Variants in KDM4C observed in about 807,000 individuals in gnomAD.
KDM4C encodes the protein lysine-specific demethylase 4C.
KDM4C carries 81 observed loss-of-function variants against 129.3 expected under a neutral mutation model. The observed-to-expected ratio is 0.63, with a 90% confidence interval of 0.52 to 0.75. The LOEUF (loss-of-function observed/expected upper bound fraction) is 0.75. KDM4C is among the 30% of genes least tolerant of loss of function. KDM4C has a pLI of 0.00. For synonymous variants in KDM4C, 573 were observed against 456.1 expected (o/e 1.26, Z -3.26); for missense variants, 1,457 against 1,304.0 (o/e 1.12, Z -1.81).
At chr9:6,997,941 A>G (rs1563957510) in intron 12 of KDM4C, among the ~76,000 whole-genome samples, 1 of 152,246 alleles carries the variant, frequency 6.6e-6, no homozygotes, top group Non-Finnish European at 1.5e-5. Context: ...AAAGATGCAG[A>G]TAACCAAGTG....
rs557890568 is a variant in KDM4C at position 6,865,109 on chromosome 9, A to C, written c.630-14903A>C. ...CTGCAAGCTCTGCCTCCCGGGTTCA[A>C]GCAATTCTCCTGCTTCAGCCTCCCG... On this transcript the variant is annotated intron_variant, in intron 5 of 21. Coordinates refer to ENST00000381309, the MANE Select transcript of KDM4C (RefSeq NM_015061.6). Among the ~76,000 whole-genome samples the C allele has an allele frequency of 3.2e-4, 48 of 150,736 alleles. 1 individual carries two copies. In the South Asian group the frequency reaches 7.6e-3, roughly 24 times the overall value.
At chr9:7,161,160 TC>T (rs1327039988) in intron 19 of KDM4C, among the ~76,000 whole-genome samples, 6 of 152,158 alleles carry the variant, frequency 3.9e-5, no homozygotes, top group Admixed American at 3.3e-4. Context: ...GAATCTCCTT[TC>T]TGCTGGTTGC....
chr9:6,930,966 C>G (rs1012170507), intron 8 of KDM4C, among the ~76,000 whole-genome samples: 1 of 152,126 alleles, frequency 6.6e-6, no homozygotes, highest in African/African-American at 2.4e-5. Flanking sequence ...GTATGGGATC[C>G]TCTGAGTACA....
intron 1 of KDM4C, among the ~76,000 whole-genome samples, chr9:6,760,583 T>A: frequency 6.7e-6 from 1 of 148,190 alleles, no homozygotes; most frequent in East Asian, 2.0e-4. Context: ...TATTTATTTA[T>A]TTTTTGAGAC....
At chr9:7,126,035 C>T (rs553094388) in intron 18 of KDM4C, among the ~76,000 whole-genome samples, 3 of 152,126 alleles carry the variant, frequency 2.0e-5, no homozygotes, top group Non-Finnish European at 4.4e-5. Flanking sequence ...AACAAACAAC[C>T]CAAATGACAA....
At chr9:7,029,053 A>T (rs1423257564) in intron 15 of KDM4C, among the ~76,000 whole-genome samples, 1 of 152,128 alleles carries the variant, frequency 6.6e-6, no homozygotes, top group Non-Finnish European at 1.5e-5. Flanking sequence ...TTTTATACAG[A>T]TGGTTGTTAA....
intron 2 of KDM4C, among the ~76,000 whole-genome samples, chr9:6,799,121 T>TG (rs1380805120): frequency 1.4e-5 from 2 of 143,554 alleles, no homozygotes; most frequent in Non-Finnish European, 3.0e-5. Flanking sequence ...TCCCAGACGA[T>TG]GGGCGGCCAG....
At chr9:6,846,378 T>C (rs895884884) in intron 4 of KDM4C, among the ~76,000 whole-genome samples, 1 of 152,202 alleles carries the variant, frequency 6.6e-6, no homozygotes, top group African/African-American at 2.4e-5. Context: ...AATGAGGTAG[T>C]ATATTGTATA....
intron 1 of KDM4C, among the ~76,000 whole-genome samples, chr9:6,722,782 G>A (rs943449796): frequency 6.6e-6 from 1 of 151,948 alleles, no homozygotes; most frequent in Non-Finnish European, 1.5e-5. Context: ...CAAAATGCTG[G>A]AATTACAGGT....
At chr9:6,816,942 A>G (rs1420300221) in intron 4 of KDM4C, among the ~76,000 whole-genome samples, 1 of 151,754 alleles carries the variant, frequency 6.6e-6, no homozygotes, top group Non-Finnish European at 1.5e-5. Flanking sequence ...AGGTAGTAGC[A>G]CAATTTCAAA....
At chr9:7,077,315 T>C (rs1834037160) in intron 17 of KDM4C, 1 of 802,980 alleles carries the variant, frequency 1.2e-6, no homozygotes, top group Admixed American at 6.2e-5. Context: ...GCTTTGGACA[T>C]ATAGTTGTCA....
intron 7 of KDM4C, among the ~76,000 whole-genome samples, chr9:6,892,474 T>A (rs1846237052): frequency 6.6e-6 from 1 of 152,174 alleles, no homozygotes; most frequent in Non-Finnish European, 1.5e-5. Context: ...AGGCTCAGGC[T>A]TATTTATGCG....
intron 8 of KDM4C, among the ~76,000 whole-genome samples, chr9:6,906,486 G>A (rs1191761886): frequency 6.6e-6 from 1 of 152,120 alleles, no homozygotes; most frequent in Admixed American, 6.5e-5. Flanking sequence ...TGAGGCAAAG[G>A]GCTGGTACAC....
At chr9:6,834,349 T>C in intron 4 of KDM4C, 1 of 314,402 alleles carries the variant, frequency 3.2e-6, no homozygotes, top group South Asian at 2.9e-5. Context: ...AGTCTCTTTG[T>C]CATGATTTTA....
At chr9:6,959,147 C>G (rs146230068) in intron 8 of KDM4C, among the ~76,000 whole-genome samples, 310 of 152,254 alleles carry the variant, frequency 2.0e-3, no homozygotes, top group African/African-American at 7.1e-3. Context: ...TGTAGATTTA[C>G]CCCCAAACAC....
chr9:6,738,200 G>C (rs1194756027), intron 1 of KDM4C, among the ~76,000 whole-genome samples: 1 of 147,640 alleles, frequency 6.8e-6, no homozygotes, highest in African/African-American at 2.6e-5. Context: ...ATGCTGGCCG[G>C]GCCTGGTGGC....
At chr9:7,085,857 TA>T (rs796741650) in intron 17 of KDM4C, among the ~76,000 whole-genome samples, 1,852 of 149,658 alleles carry the variant, frequency 0.012, 36 homozygotes, top group African/African-American at 0.043. Context: ...TATTTTTCAT[TA>T]AAAAAAAAAT....
In KDM4C at chr9:7,077,112, A is replaced by G. The variant is rs997979106; in HGVS notation, c.2425-26573A>G. On this transcript the variant is annotated intron_variant, in intron 17 of 21. Transcript: ENST00000381309. Reference sequence around the variant, plus strand: ...AAGTTCTATCTGGGTGATATATGCTATCGAAACAGATGTGGACACTGGGCT... The same window carrying G: ...AAGTTCTATCTGGGTGATATATGCTGTCGAAACAGATGTGGACACTGGGCT... 18 of 985,320 alleles carry G rather than the reference A, an allele frequency of 1.8e-5. No individual in the cohort carries two copies. The African/African-American group carries it at 1.9e-4, about 11-fold the overall frequency. The allele number at this position is 985,320 out of a possible 1,614,324, so 61.0% of individuals were successfully genotyped here. A position where few individuals can be genotyped will look rare whatever the true frequency, so the allele number is the denominator to read the frequency against.
intron 1 of KDM4C, among the ~76,000 whole-genome samples, chr9:6,728,659 A>T (rs895908115): frequency 6.6e-6 from 1 of 152,054 alleles, no homozygotes; most frequent in Non-Finnish European, 1.5e-5. Context: ...AGCCTGACCA[A>T]CATGGGGAAA....
Sources: gnomAD v4.1 joint callset for allele counts (sites outside exome capture counted in the v4.1 genomes callset) on GRCh38, gnomAD v4.1.1 for gene constraint, MANE v1.5 for transcripts, NCBI Gene and HGNC (gene_info 2026-07-23, HGNC 2026-07-21) for gene names.